CGGBP1: variants seen among roughly 807,000 people sequenced by gnomAD.
CGGBP1 encodes CGG triplet repeat binding protein 1, also known as CGG triplet repeat-binding protein 1.
A neutral mutation model predicts 11.4 loss-of-function variants in CGGBP1; 4 were observed. The observed-to-expected ratio is 0.35, with a 90% CI of 0.17 to 0.80. The LOEUF (loss-of-function observed/expected upper bound fraction) is 0.80, where lower values mean the gene tolerates loss of function less well. Among genes scored for constraint, CGGBP1 ranks in the 30% least tolerant of loss-of-function variants. CGGBP1 has a pLI of 0.52. For missense variants in CGGBP1, 135 were observed against 202.1 expected (o/e 0.67, Z 2.01); for synonymous variants, 76 against 74.1 (o/e 1.03, Z -0.13).
intron 2 of CGGBP1, among the ~76,000 whole-genome samples, chr3:88,126,974 G>A (rs1334829696): frequency 1.3e-5 from 2 of 152,038 alleles, no homozygotes; most frequent in Admixed American, 6.6e-5. Flanking sequence ...TTCCTTTCAA[G>A]GCAGGAGGCT....
chr3:88,094,344 T>A (rs1703930075), intron 2 of CGGBP1, among the ~76,000 whole-genome samples: 1 of 152,138 alleles, frequency 6.6e-6, no homozygotes, highest in African/African-American at 2.4e-5. Context: ...TCTTTATTGC[T>A]CCTTTTATTG....
At chr3:88,119,840 C>T (rs1705663421) in intron 2 of CGGBP1, among the ~76,000 whole-genome samples, 1 of 152,210 alleles carries the variant, frequency 6.6e-6, no homozygotes, top group African/African-American at 2.4e-5. Context: ...CTTCCATTAG[C>T]ATGGCAACTA....
intron 2 of CGGBP1, among the ~76,000 whole-genome samples, chr3:88,131,736 G>A (rs1706477968): frequency 6.6e-6 from 1 of 152,062 alleles, no homozygotes; most frequent in Non-Finnish European, 1.5e-5. Flanking sequence ...CGTGGGTTAT[G>A]ATGGCCTACC....
chr3:88,065,186 G>C (rs1328029504), intron 2 of CGGBP1, among the ~76,000 whole-genome samples: 1 of 152,140 alleles, frequency 6.6e-6, no homozygotes, highest in Non-Finnish European at 1.5e-5. Flanking sequence ...GAATTCCCTG[G>C]AAAGACATCA....
intron 2 of CGGBP1, among the ~76,000 whole-genome samples, chr3:88,120,074 T>TA (rs57135246): frequency 0.78 from 117,784 of 151,196 alleles, 46,840 homozygotes; most frequent in South Asian, 0.91. Context: ...TCTACTTATT[T>TA]AAAAAAAAAT....
upstream of CGGBP1, among the ~76,000 whole-genome samples, chr3:88,063,034 A>G (rs1239723730): frequency 6.6e-6 from 1 of 152,240 alleles, no homozygotes; most frequent in African/African-American, 2.4e-5. Context: ...GGTGAAACAC[A>G]ATGATTTGTA....
intron 2 of CGGBP1, among the ~76,000 whole-genome samples, chr3:88,085,426 T>C (rs1338459699): frequency 6.6e-6 from 1 of 152,100 alleles, no homozygotes; most frequent in Non-Finnish European, 1.5e-5. Context: ...CACAAAGTGA[T>C]TTTTTTTCCA....
At chr3:88,133,503 G>C (rs1163515305) in intron 2 of CGGBP1, among the ~76,000 whole-genome samples, 1 of 152,056 alleles carries the variant, frequency 6.6e-6, no homozygotes, top group African/African-American at 2.4e-5. Flanking sequence ...TTTAGTTTGG[G>C]GTATTCATGA....
intron 2 of CGGBP1, among the ~76,000 whole-genome samples, chr3:88,081,982 T>C (rs867149292): frequency 6.6e-6 from 1 of 152,174 alleles, no homozygotes; most frequent in South Asian, 2.1e-4. Flanking sequence ...TTAAAACATT[T>C]TAGGTATTTA....
chr3:88,081,156 C>T (rs1474086026), intron 2 of CGGBP1, among the ~76,000 whole-genome samples: 2 of 152,132 alleles, frequency 1.3e-5, no homozygotes, highest in Non-Finnish European at 2.9e-5. Context: ...GGGAATCAAT[C>T]TATGCATTTT....
chr3:88,138,504 C>A (rs189616637), intron 2 of CGGBP1, among the ~76,000 whole-genome samples: 3 of 151,866 alleles, frequency 2.0e-5, no homozygotes, highest in Non-Finnish European at 4.4e-5. Context: ...GCTATCTATT[C>A]CAGATTATTT....
chr3:88,089,088 T>TA (rs984447513), intron 2 of CGGBP1, among the ~76,000 whole-genome samples: 1 of 151,358 alleles, frequency 6.6e-6, no homozygotes, highest in African/African-American at 2.4e-5. Context: ...AAAACTGTAT[T>TA]AAAAAAATTA....
At chr3:88,098,175 A>G (rs925260756) in intron 2 of CGGBP1, among the ~76,000 whole-genome samples, 4 of 152,224 alleles carry the variant, frequency 2.6e-5, no homozygotes, top group Admixed American at 1.3e-4. Context: ...CAAAAATACA[A>G]ACTGCCATCA....
chr3:88,070,536 G>A (rs780559158), intron 2 of CGGBP1, among the ~76,000 whole-genome samples: 3 of 143,236 alleles, frequency 2.1e-5, no homozygotes, highest in Non-Finnish European at 3.0e-5. Flanking sequence ...TTTGCTATAC[G>A]CCACTGTGGC....
chr3:88,128,064 A>G (rs1706225196), intron 2 of CGGBP1, among the ~76,000 whole-genome samples: 2 of 152,292 alleles, frequency 1.3e-5, no homozygotes, highest in South Asian at 4.1e-4. Flanking sequence ...CTGCTCTGCC[A>G]CTTAATTATT....
At chr3:88,058,646 G>C (rs1706647920) in intron 1 of CGGBP1, among the ~76,000 whole-genome samples, 169 bp downstream of exon 1, 1 of 152,272 alleles carries the variant, frequency 6.6e-6, no homozygotes, top group Non-Finnish European at 1.5e-5. Context: ...GCGGCGGCAG[G>C]CGCCTGGCGG....
At chr3:88,131,997 C>T (rs1287207732) in intron 2 of CGGBP1, among the ~76,000 whole-genome samples, 2 of 152,132 alleles carry the variant, frequency 1.3e-5, no homozygotes, top group African/African-American at 4.8e-5. Context: ...CCCCTTTCTC[C>T]TTCACAATCA....
At chr3:88,073,485 C>G (rs1007544919) in intron 2 of CGGBP1, among the ~76,000 whole-genome samples, 1 of 152,048 alleles carries the variant, frequency 6.6e-6, no homozygotes, top group African/African-American at 2.4e-5. Flanking sequence ...AGTAAGCTAT[C>G]GAAGTATCCC....
chr3:88,129,321 T>TAAAAA (rs11370327), intron 2 of CGGBP1, among the ~76,000 whole-genome samples: 3 of 76,946 alleles, frequency 3.9e-5, no homozygotes, highest in African/African-American at 1.1e-4. Flanking sequence ...TTGCCAGGAG[T>TAAAAA]AAAAAAAAAA....
Sources: gnomAD v4.1 joint callset for allele counts (sites outside exome capture counted in the v4.1 genomes callset) on GRCh38, gnomAD v4.1.1 for gene constraint, MANE v1.5 for transcripts, NCBI Gene and HGNC (gene_info 2026-07-23, HGNC 2026-07-21) for gene names.